GNB1L: variants seen among roughly 807,000 people sequenced by gnomAD.
The protein encoded by GNB1L is guanine nucleotide-binding protein subunit beta-like protein 1.
Under a neutral mutation model 29.1 loss-of-function variants are expected in GNB1L, and 20 were observed. The observed-to-expected ratio is 0.69, with a 90% CI of 0.48 to 1.00. GNB1L has a LOEUF of 1.00. Among genes scored for constraint, GNB1L ranks in the 50% least tolerant of loss-of-function variants. The pLI, the probability that GNB1L is intolerant of heterozygous loss-of-function variation, is 0.00. For synonymous variants in GNB1L, 193 were observed against 206.5 expected (o/e 0.93, Z 0.56); for missense variants, 421 against 464.9 (o/e 0.91, Z 0.87).
intron 2 of GNB1L, among the ~76,000 whole-genome samples, chr22:19,838,198 AT>A (rs1366535053): frequency 5.9e-5 from 9 of 152,370 alleles, no homozygotes; most frequent in African/African-American, 2.2e-4. Flanking sequence ...GGCATAAAAG[AT>A]TTGGCCAAAC....
At chr22:19,851,186 G>C (rs1276586466) in intron 2 of GNB1L, 10 of 1,590,520 alleles carry the variant, frequency 6.3e-6, no homozygotes, top group Non-Finnish European at 8.6e-6. Context: ...AGGAGAAAGT[G>C]GTGGCTCTCC....
At chr22:19,819,741 T>C (rs1179880597) in intron 4 of GNB1L, among the ~76,000 whole-genome samples, 2 of 152,068 alleles carry the variant, frequency 1.3e-5, no homozygotes, top group Admixed American at 6.5e-5. Context: ...CCCCAAGTGA[T>C]GCGTAGGGTA....
chr22:19,812,624 T>A (rs553074006), intron 4 of GNB1L, among the ~76,000 whole-genome samples, 177 bp from the exon 5 acceptor site: 1 of 152,340 alleles, frequency 6.6e-6, no homozygotes, highest in East Asian at 1.9e-4. Flanking sequence ...GCATTGACAC[T>A]TGAGCCAGCA....
rs113400454 is a variant in GNB1L, at chr22:19,854,109, C to T, written c.-21+334G>A. Among the ~76,000 whole-genome samples the T allele has an allele frequency of 2.8e-3, 431 of 152,326 alleles. 5 individuals are homozygous for T. Among genetic ancestry groups the T allele is most frequent in the African/African-American group, 9.9e-3 (411 of 41,564 alleles). ...GCCGCACTCTCACCATTTTGAGAACCTTAGCCCTCCCACGCCTATCAGTCT... is the reference window on the plus strand; with the variant it reads ...GCCGCACTCTCACCATTTTGAGAACTTTAGCCCTCCCACGCCTATCAGTCT... On this transcript the variant is annotated intron_variant, in intron 2 of 7. Coordinates refer to ENST00000329517, the MANE Select transcript of GNB1L (RefSeq NM_053004.3).
intron 3 of GNB1L, 23 bp from the exon 4 acceptor site, chr22:19,820,746 G>A (rs905266910): frequency 5.6e-6 from 9 of 1,599,572 alleles, no homozygotes; most frequent in Admixed American, 1.7e-5. Flanking sequence ...AGCCGAGCAG[G>A]GTGTCAGGGG....
chr22:19,830,173 T>C (rs1937660123), intron 2 of GNB1L, among the ~76,000 whole-genome samples: 1 of 152,080 alleles, frequency 6.6e-6, no homozygotes, highest in African/African-American at 2.4e-5. Context: ...GACTAGCCAT[T>C]GCACTCCAGC....
At chr22:19,799,993 A>G (rs1000598565) in intron 7 of GNB1L, among the ~76,000 whole-genome samples, 2 of 152,152 alleles carry the variant, frequency 1.3e-5, no homozygotes, top group Non-Finnish European at 2.9e-5. Context: ...CATGCAACAC[A>G]GGGCTCAGCA....
intron 7 of GNB1L, among the ~76,000 whole-genome samples, chr22:19,789,311 C>T (rs978633123): frequency 3.9e-5 from 6 of 152,194 alleles, no homozygotes; most frequent in African/African-American, 1.4e-4. Context: ...TAGTGCCTAG[C>T]GAGAGGCCAC....
intron 5 of GNB1L, 74 bp downstream of exon 5, chr22:19,812,211 C>T (rs953864097): frequency 2.0e-5 from 29 of 1,477,858 alleles, no homozygotes; most frequent in African/African-American, 2.8e-5. Context: ...TAGGCGCAGG[C>T]GCCTCCTAAT....
chr22:19,851,659 G>T, intron 2 of GNB1L: 1 of 1,594,906 alleles, frequency 6.3e-7, no homozygotes, highest in African/African-American at 1.3e-5. Context: ...CTGGCAGCTG[G>T]CTGGAGGCCA....
intron 5 of GNB1L, among the ~76,000 whole-genome samples, chr22:19,808,864 T>C (rs1239134451): frequency 6.6e-6 from 1 of 152,182 alleles, no homozygotes; most frequent in African/African-American, 2.4e-5. Context: ...TCATTGGGTG[T>C]TGCCACCATT....
intron 5 of GNB1L, among the ~76,000 whole-genome samples, chr22:19,811,080 C>T (rs772836312): frequency 6.6e-6 from 1 of 152,206 alleles, no homozygotes; most frequent in Admixed American, 6.5e-5. Flanking sequence ...GGAGGAAGCA[C>T]GCCCCTCTTT....
Position 19,854,556 on chromosome 22 carries a change from G to T in GNB1L, c.-117-17C>A, listed in dbSNP as rs1366245225. 1 of 152,770 alleles carries T rather than the reference G, an allele frequency of 6.5e-6. No homozygotes were observed. Among genetic ancestry groups the T allele is most frequent in the Non-Finnish European group, 1.5e-5 (1 of 68,178 alleles). The allele number at this position is 152,770 out of a possible 1,614,324, so 9.5% of individuals were successfully genotyped here. A position where few individuals can be genotyped will look rare whatever the true frequency, so the allele number is the denominator to read the frequency against. ...AGGCGCCACCTAGAAAGTGGAGAAC[G>T]AGATCGGCCGCCGTGAGGCCAGGCA... On this transcript the variant is annotated splice_polypyrimidine_tract_variant and intron_variant, in intron 1 of 7. Transcript: ENST00000329517.
chr22:19,788,665 C>T lies in GNB1L; in HGVS notation c.*44G>A. On this transcript the variant is annotated 3_prime_UTR_variant, in exon 8 of 8. Coordinates refer to ENST00000329517, the MANE Select transcript of GNB1L (RefSeq NM_053004.3). ...GCCAAGGCTGGGGCCTGATGCCCACCTCCCTGCCCGCCCTCCTCGTCTCCC... is the reference window on the plus strand; with the variant it reads ...GCCAAGGCTGGGGCCTGATGCCCACTTCCCTGCCCGCCCTCCTCGTCTCCC... The T allele has an allele frequency of 1.2e-6, 2 of 1,612,342 alleles. No homozygotes were observed. The highest frequency in any genetic ancestry group is 2.2e-5 in the East Asian group (1 of 44,848).
chr22:19,849,747 G>C, intron 2 of GNB1L: 3 of 985,326 alleles, frequency 3.0e-6, no homozygotes, highest in Non-Finnish European at 3.6e-6. Context: ...TCACATTTCT[G>C]CTTTTTCTTC....
chr22:19,850,961 AG>A (rs1483078817), intron 2 of GNB1L: 3 of 1,373,974 alleles, frequency 2.2e-6, no homozygotes, highest in Admixed American at 3.2e-5. Context: ...CAGCAGGGAA[AG>A]GGCACAGGGC....
At chr22:19,844,874 A>T (rs1030496547) in intron 2 of GNB1L, among the ~76,000 whole-genome samples, 1 of 152,242 alleles carries the variant, frequency 6.6e-6, no homozygotes, top group African/African-American at 2.4e-5. Context: ...CCCGTGCACC[A>T]GTTCAGCCTC....
chr22:19,804,837 C>T (rs994046934), intron 6 of GNB1L, among the ~76,000 whole-genome samples: 1 of 152,220 alleles, frequency 6.6e-6, no homozygotes, highest in African/African-American at 2.4e-5. Flanking sequence ...CCTTTCTACG[C>T]ATTTTTCTGT....
intron 2 of GNB1L, among the ~76,000 whole-genome samples, chr22:19,828,706 G>A (rs1008342426): frequency 3.3e-5 from 5 of 150,748 alleles, no homozygotes; most frequent in African/African-American, 4.9e-5. Flanking sequence ...ATTAATCTAT[G>A]TAACAGTTTT....
Sources: allele counts gnomAD v4.1 joint callset (sites outside exome capture counted in the v4.1 genomes callset), GRCh38; gene constraint gnomAD v4.1.1; transcripts MANE v1.5; gene names NCBI Gene and HGNC (gene_info 2026-07-23, HGNC 2026-07-21).